The following IGF2BP2 variants were observed in gnomAD, a reference collection of about 807,000 sequenced individuals.
The protein encoded by IGF2BP2 is insulin-like growth factor 2 mRNA-binding protein 2.
In IGF2BP2, 17 loss-of-function variants were observed where a neutral mutation model predicts 75.8. The observed-to-expected ratio is 0.22, with a 90% CI of 0.15 to 0.34. The LOEUF is 0.34. Among genes scored for constraint, IGF2BP2 ranks in the 10% least tolerant of loss-of-function variants. IGF2BP2 has a pLI of 1.00. For synonymous variants in IGF2BP2, 288 were observed against 295.6 expected (o/e 0.97, Z 0.26); for missense variants, 516 against 772.4 (o/e 0.67, Z 3.93).
chr3:185,646,823 C>T (rs145843086), intron 15 of IGF2BP2: 930 of 592,488 alleles, frequency 1.6e-3, no homozygotes, highest in Non-Finnish European at 2.5e-3. Context: ...ATACATACCT[C>T]GGGGATGACA....
At chr3:185,659,304 G>A (rs1577846115) in intron 10 of IGF2BP2, among the ~76,000 whole-genome samples, 2 of 152,278 alleles carry the variant, frequency 1.3e-5, no homozygotes, top group South Asian at 2.1e-4. Flanking sequence ...CAGGGAACAG[G>A]AGGGCAGATA....
intron 2 of IGF2BP2, among the ~76,000 whole-genome samples, chr3:185,745,285 T>C (rs1730104401): frequency 6.6e-6 from 1 of 152,220 alleles, no homozygotes; most frequent in Non-Finnish European, 1.5e-5. Flanking sequence ...GCTTCTCTGG[T>C]ACCTGGCCTG....
intron 2 of IGF2BP2, among the ~76,000 whole-genome samples, chr3:185,793,158 G>A (rs1412239463): frequency 6.6e-6 from 1 of 152,186 alleles, no homozygotes; most frequent in Non-Finnish European, 1.5e-5. Flanking sequence ...ACATTAAGGA[G>A]TGTTTGCAGT....
intron 2 of IGF2BP2, among the ~76,000 whole-genome samples, chr3:185,811,261 C>CT (rs1449527730): frequency 1.3e-5 from 2 of 152,150 alleles, no homozygotes; most frequent in Non-Finnish European, 2.9e-5. Flanking sequence ...TTCCAAACAG[C>CT]TATCATCATT....
intron 2 of IGF2BP2, among the ~76,000 whole-genome samples, chr3:185,762,749 A>G (rs866042602): frequency 6.6e-6 from 1 of 152,146 alleles, no homozygotes; most frequent in South Asian, 2.1e-4. Flanking sequence ...AGAGGGGAGA[A>G]AAGTCTGGGC....
intron 2 of IGF2BP2, among the ~76,000 whole-genome samples, chr3:185,772,929 T>C (rs1734077219): frequency 6.6e-6 from 1 of 152,168 alleles, no homozygotes; most frequent in Non-Finnish European, 1.5e-5. Flanking sequence ...AATAATGTCA[T>C]AGCCTGGGCC....
rs1713380718 is a variant in IGF2BP2 at position 185,645,643 on chromosome 3, G to A, written c.1708-20C>T. On this transcript the variant is annotated intron_variant, in intron 15 of 15. Transcript: ENST00000382199. The surrounding 1 kb of genome is among the most constrained non-coding windows in gnomAD (Gnocchi z 4.9). Reference sequence around the variant, plus strand: ...TGCAGTCTGCAGCAAGGGAGAGAAGGGAGAGGAAGGGACAGGGGAAAAAAG... The same window carrying A: ...TGCAGTCTGCAGCAAGGGAGAGAAGAGAGAGGAAGGGACAGGGGAAAAAAG... 2 of 1,597,742 alleles carry A rather than the reference G, an allele frequency of 1.3e-6. No homozygotes were observed. Among genetic ancestry groups the A allele is most frequent in the Non-Finnish European group, 8.6e-7 (1 of 1,165,182 alleles).
At chr3:185,715,772 T>C (rs1035850534) in intron 2 of IGF2BP2, among the ~76,000 whole-genome samples, 1 of 152,154 alleles carries the variant, frequency 6.6e-6, no homozygotes, top group Non-Finnish European at 1.5e-5. Flanking sequence ...ACCTCCCAAG[T>C]AGCTGGGATT....
rs555790864 is a variant in IGF2BP2, at chr3:185,645,139, T to A, written c.*392A>T. The stretch of plus-strand genomic sequence containing the variant: ...CTTCCCTTTCTAATATGTACACACA[T>A]GTACAGAGACGATTTGCCACAGAAA... On this transcript the variant is annotated 3_prime_UTR_variant, in exon 16 of 16. Coordinates refer to ENST00000382199, the MANE Select transcript of IGF2BP2 (RefSeq NM_006548.6). This position sits in a 1 kb window ranked among gnomAD's most constrained non-coding sequence, Gnocchi z 4.9. 6 of 224,218 alleles carry A rather than the reference T, an allele frequency of 2.7e-5. No homozygotes were observed. Among genetic ancestry groups the A allele is most frequent in the Admixed American group, 2.0e-4 (4 of 19,860 alleles). The allele number at this position is 224,218 out of a possible 1,614,324, so 13.9% of individuals were successfully genotyped here. A position where few individuals can be genotyped will look rare whatever the true frequency, so the allele number is the denominator to read the frequency against.
rs1375584154 is a variant in IGF2BP2, at chr3:185,644,821, A to T, written c.*710T>A. Reference sequence around the variant, plus strand: ...AGAGTTTCCTCTTCAAGGAGACGGTATCCCTTCTGTTGACATACACAGGTG... The same window carrying T: ...AGAGTTTCCTCTTCAAGGAGACGGTTTCCCTTCTGTTGACATACACAGGTG... On this transcript the variant is annotated 3_prime_UTR_variant, in exon 16 of 16. Coordinates refer to ENST00000382199, the MANE Select transcript of IGF2BP2 (RefSeq NM_006548.6). 1 of 152,506 alleles carries T rather than the reference A, an allele frequency of 6.6e-6. No homozygotes were observed. The highest frequency in any genetic ancestry group is 1.5e-5 in the Non-Finnish European group (1 of 68,044). 9.4% of individuals were successfully genotyped at this position (152,506 alleles called of 1,614,324 possible). A position where few individuals can be genotyped will look rare whatever the true frequency, so the allele number is the denominator to read the frequency against.
At chr3:185,716,044 A>G (rs1487083318) in intron 2 of IGF2BP2, among the ~76,000 whole-genome samples, 1 of 152,182 alleles carries the variant, frequency 6.6e-6, no homozygotes, top group East Asian at 1.9e-4. Context: ...CACAATTACT[A>G]TTCTAATACT....
intron 2 of IGF2BP2, among the ~76,000 whole-genome samples, chr3:185,722,801 C>A (rs932575558): frequency 1.3e-5 from 2 of 152,134 alleles, no homozygotes; most frequent in South Asian, 4.1e-4. Flanking sequence ...AATACACAAA[C>A]ACACATATAC....
At chr3:185,747,346 T>A (rs1031275046) in intron 2 of IGF2BP2, among the ~76,000 whole-genome samples, 27 of 152,136 alleles carry the variant, frequency 1.8e-4, no homozygotes, top group African/African-American at 5.8e-4. Context: ...CTTTAAAGTC[T>A]TTGGTATTTA....
chr3:185,756,706 G>A lies in IGF2BP2; in HGVS notation c.240-58359C>T, dbSNP rs544402066. Among the ~76,000 whole-genome samples, 4 of 152,272 alleles carry A rather than the reference G, an allele frequency of 2.6e-5. No individual in the cohort carries two copies. The South Asian group carries it at 8.3e-4, about 32-fold the overall frequency. On this transcript the variant is annotated intron_variant, in intron 2 of 15. Coordinates refer to ENST00000382199, the MANE Select transcript of IGF2BP2 (RefSeq NM_006548.6). ...ACTCAGGAGGTGGCCGGGCGTGGTG[G>A]CTCATGCCTGTAATCCGACACTTTA...
chr3:185,695,848 T>A (rs967924753), intron 4 of IGF2BP2, among the ~76,000 whole-genome samples: 6 of 152,172 alleles, frequency 3.9e-5, no homozygotes, highest in African/African-American at 1.4e-4. Context: ...TGGAGTTCAG[T>A]GGTGTAATCT....
chr3:185,813,535 C>T (rs1740191954), intron 2 of IGF2BP2, among the ~76,000 whole-genome samples: 1 of 152,166 alleles, frequency 6.6e-6, no homozygotes, highest in Non-Finnish European at 1.5e-5. Flanking sequence ...TTTATGTATC[C>T]ACAACATTAT....
At chr3:185,702,139 G>A (rs140394726) in intron 2 of IGF2BP2, among the ~76,000 whole-genome samples, 3 of 152,218 alleles carry the variant, frequency 2.0e-5, no homozygotes, top group South Asian at 2.1e-4. Context: ...CTCAACCCCC[G>A]CGGTGATTTC....
intron 2 of IGF2BP2, among the ~76,000 whole-genome samples, chr3:185,745,481 A>T (rs1411341401): frequency 6.6e-6 from 1 of 152,208 alleles, no homozygotes; most frequent in Non-Finnish European, 1.5e-5. Flanking sequence ...ACACAGAGCA[A>T]GGTGTGGTTT....
At chr3:185,753,178 G>A (rs1410186370) in intron 2 of IGF2BP2, among the ~76,000 whole-genome samples, 2 of 152,116 alleles carry the variant, frequency 1.3e-5, no homozygotes, top group Non-Finnish European at 2.9e-5. Context: ...CCAATACCAA[G>A]CATTCACCTC....
Sources: gnomAD v4.1 joint callset for allele counts (sites outside exome capture counted in the v4.1 genomes callset) on GRCh38, gnomAD v4.1.1 for gene constraint, Gnocchi (gnomAD v3.1) non-coding constraint, MANE v1.5 for transcripts, NCBI Gene and HGNC (gene_info 2026-07-23, HGNC 2026-07-21) for gene names.